The following FRMPD4 variants were observed in gnomAD, a reference collection of about 807,000 sequenced individuals.
FRMPD4 encodes FERM and PDZ domain containing 4, also known as FERM and PDZ domain-containing protein 4.
In FRMPD4, 22 loss-of-function variants were observed where a neutral mutation model predicts 94.1. The observed-to-expected ratio is 0.23, with a 90% CI of 0.17 to 0.33. The LOEUF (loss-of-function observed/expected upper bound fraction) is 0.33, where lower values mean the gene tolerates loss of function less well. FRMPD4 is among the 10% of genes least tolerant of loss of function. FRMPD4 has a pLI of 1.00. For synonymous variants in FRMPD4, 631 were observed against 548.6 expected (o/e 1.15, Z -2.10); for missense variants, 1,111 against 1,339.9 (o/e 0.83, Z 2.67).
At chrX:12,662,778 C>T (rs967573069) in intron 4 of FRMPD4, among the ~76,000 whole-genome samples, 2 of 112,306 alleles carry the variant, frequency 1.8e-5, no homozygotes, top group Non-Finnish European at 3.8e-5. Context: ...AATTGCCACA[C>T]TGTCTTCCAC....
chrX:12,047,505 C>CTTTTA (rs1207989895), intron 3 of FRMPD4, among the ~76,000 whole-genome samples: 1 of 111,355 alleles, frequency 9.0e-6, no homozygotes, highest in Non-Finnish European at 1.9e-5. Flanking sequence ...ATAATTTCAG[C>CTTTTA]TTTTATTTTA....
rs1443705645 is a variant in FRMPD4 at position 12,214,680 on chromosome X, G to A, written c.41+75668G>A. ...TAAACTCTTGATGTTTCCATGAACC[G>A]ATAGCTGCATGTTTATGTGGATGCC... On this transcript the variant is annotated intron_variant, in intron 1 of 16. Coordinates refer to ENST00000675598, the MANE Select transcript of FRMPD4 (RefSeq NM_001368397.1). Among the ~76,000 whole-genome samples the A allele has an allele frequency of 4.5e-5, 5 of 112,335 alleles. No individual in the cohort carries two copies. The East Asian group carries it at 1.1e-3, about 25-fold the overall frequency.
At chrX:12,479,668 T>C (rs2057658351) in intron 1 of FRMPD4, among the ~76,000 whole-genome samples, 1 of 107,849 alleles carries the variant, frequency 9.3e-6, no homozygotes, top group Admixed American at 1.0e-4. Context: ...GGCTAATTTT[T>C]TTTTTATTTT....
At chrX:12,256,840 A>G (rs949592908) in intron 1 of FRMPD4, among the ~76,000 whole-genome samples, 4 of 112,018 alleles carry the variant, frequency 3.6e-5, no homozygotes, top group African/African-American at 6.5e-5. Flanking sequence ...TAACTCATTC[A>G]TGGCACACCA....
At chrX:11,977,147 G>A (rs2054371515) in intron 3 of FRMPD4, among the ~76,000 whole-genome samples, 1 of 103,740 alleles carries the variant, frequency 9.6e-6, no homozygotes, top group Non-Finnish European at 2.0e-5. Flanking sequence ...TGTTGCTGCT[G>A]CTTATTAAAA....
rs2054859799 is a variant in FRMPD4 at position 12,301,555 on chromosome X, ACT to A, written c.41+162547_41+162548del. ...AGTCTGAACATCACTTCCTCTAGAA[ACT>A]CTCACCAGTCCTCCAAAAATCAGTG... On this transcript the variant is annotated intron_variant, in intron 1 of 16. Coordinates refer to ENST00000675598, the MANE Select transcript of FRMPD4 (RefSeq NM_001368397.1). Among the ~76,000 whole-genome samples, 6 of 111,191 alleles carry A rather than the reference ACT, an allele frequency of 5.4e-5. No individual in the cohort carries two copies. The South Asian group carries it at 2.3e-3, about 43-fold the overall frequency.
intron 3 of FRMPD4, among the ~76,000 whole-genome samples, chrX:11,887,305 A>G (rs1327313743): frequency 8.9e-6 from 1 of 111,752 alleles, no homozygotes; most frequent in Non-Finnish European, 1.9e-5. Context: ...ACAACAAAGA[A>G]GGAGCCCCAG....
chrX:12,601,050 A>G (rs2059080525), intron 2 of FRMPD4, among the ~76,000 whole-genome samples: 1 of 112,693 alleles, frequency 8.9e-6, no homozygotes, highest in African/African-American at 3.2e-5. Flanking sequence ...AAGAAGCCTC[A>G]TTTATTTCAA....
chrX:11,992,671 G>A (rs765342086), intron 3 of FRMPD4, among the ~76,000 whole-genome samples: 6 of 111,851 alleles, frequency 5.4e-5, no homozygotes, highest in Non-Finnish European at 1.1e-4. Context: ...AATGCAAAGA[G>A]GAAAATAAAT....
chrX:12,545,427 A>G (rs969430721), intron 2 of FRMPD4, among the ~76,000 whole-genome samples: 1 of 112,543 alleles, frequency 8.9e-6, no homozygotes, highest in East Asian at 2.8e-4. Flanking sequence ...TAACTGCAGA[A>G]TAAGAGCTTT....
chrX:12,056,826 T>G (rs988499070), intron 3 of FRMPD4, among the ~76,000 whole-genome samples: 1 of 111,965 alleles, frequency 8.9e-6, no homozygotes, highest in Non-Finnish European at 1.9e-5. Flanking sequence ...CCAGTTCCTG[T>G]ATTGATAGGT....
At chrX:12,421,911 T>G (rs886386606) in intron 1 of FRMPD4, among the ~76,000 whole-genome samples, 1 of 111,135 alleles carries the variant, frequency 9.0e-6, no homozygotes. Context: ...CCATTCTTAC[T>G]CCCTTTATTA....
intron 2 of FRMPD4, among the ~76,000 whole-genome samples, chrX:12,536,686 G>T (rs1439233740): frequency 8.9e-6 from 1 of 111,972 alleles, no homozygotes; most frequent in Non-Finnish European, 1.9e-5. Context: ...GGATTGTTTA[G>T]TAGGAGAGAA....
chrX:12,029,629 G>T (rs946758373), intron 3 of FRMPD4, among the ~76,000 whole-genome samples: 1 of 111,434 alleles, frequency 9.0e-6, no homozygotes, highest in African/African-American at 3.3e-5. Flanking sequence ...GATCCATTTC[G>T]AGTTAATTTT....
At chrX:12,518,967 T>C (rs2058133029) in intron 2 of FRMPD4, among the ~76,000 whole-genome samples, 1 of 111,779 alleles carries the variant, frequency 8.9e-6, no homozygotes, top group African/African-American at 3.2e-5. Flanking sequence ...TAAAATAAAA[T>C]ACTTCAGAAT....
intron 2 of FRMPD4, among the ~76,000 whole-genome samples, chrX:12,568,319 A>C (rs756708932): frequency 8.9e-6 from 1 of 112,433 alleles, no homozygotes; most frequent in African/African-American, 3.2e-5. Flanking sequence ...TCTTAAGTTG[A>C]CAATAATTAT....
chrX:12,699,658 T>C (rs2060168440), intron 9 of FRMPD4, among the ~76,000 whole-genome samples: 1 of 112,243 alleles, frequency 8.9e-6, no homozygotes. Context: ...TTGATATAGT[T>C]TTTCATTTGA....
At chrX:12,234,736 G>T (rs946694783) in intron 1 of FRMPD4, among the ~76,000 whole-genome samples, 3 of 112,193 alleles carry the variant, frequency 2.7e-5, no homozygotes, top group South Asian at 3.7e-4. Context: ...GTGGGACTGG[G>T]TGTTAGAAGA....
In FRMPD4 at chrX:12,198,368, C is replaced by A. The variant is rs191680649; in HGVS notation, c.41+59356C>A. Among the ~76,000 whole-genome samples the A allele has an allele frequency of 1.6e-3, 175 of 111,117 alleles. 1 individual carries two copies. The highest frequency in any genetic ancestry group is 4.8e-3 in the Middle Eastern group (1 of 209). On this transcript the variant is annotated intron_variant, in intron 1 of 16. Coordinates refer to ENST00000675598, the MANE Select transcript of FRMPD4 (RefSeq NM_001368397.1). ...CCAGTGCTTCTTAATCTTTAGTGTG[C>A]ACACGAATCAGCACAAGACTCGCCT...
Sources: gnomAD v4.1 joint callset for allele counts (sites outside exome capture counted in the v4.1 genomes callset) on GRCh38, gnomAD v4.1.1 for gene constraint, MANE v1.5 for transcripts, NCBI Gene and HGNC (gene_info 2026-07-23, HGNC 2026-07-21) for gene names.